Variants in ASTN2 observed in about 807,000 individuals in gnomAD.
ASTN2 encodes astrotactin 2.
ASTN2 carries 54 observed loss-of-function variants against 139.8 expected under a neutral mutation model. That is an observed-to-expected ratio of 0.39 (90% CI 0.31 to 0.48). ASTN2 has a LOEUF of 0.48. ASTN2 is among the 20% of genes least tolerant of loss of function. The pLI is 0.95. For synonymous variants in ASTN2, 756 were observed against 719.5 expected (o/e 1.05, Z -0.81); for missense variants, 1,565 against 1,725.1 (o/e 0.91, Z 1.64).
chr9:117,338,296 C>T (rs1432538079), intron 1 of ASTN2, among the ~76,000 whole-genome samples: 1 of 152,098 alleles, frequency 6.6e-6, no homozygotes, highest in African/African-American at 2.4e-5. Flanking sequence ...GTGTCTCCCC[C>T]AACCTTTTAA....
intron 20 of ASTN2, among the ~76,000 whole-genome samples, chr9:116,451,726 AT>A (rs1848180663): frequency 6.6e-6 from 1 of 152,046 alleles, no homozygotes. Context: ...CAGGACTCTC[AT>A]TTTTTTGTAC....
At chr9:117,110,939 T>G (rs1829233916) in intron 4 of ASTN2, among the ~76,000 whole-genome samples, 1 of 152,188 alleles carries the variant, frequency 6.6e-6, no homozygotes, top group Non-Finnish European at 1.5e-5. Flanking sequence ...GCCCACAATC[T>G]GTGTATAATC....
chr9:116,962,122 G>T (rs1234414061), intron 10 of ASTN2, among the ~76,000 whole-genome samples: 2 of 152,164 alleles, frequency 1.3e-5, no homozygotes, highest in Admixed American at 6.5e-5. Flanking sequence ...CAACTGGCAG[G>T]GTTGCTTCTT....
intron 4 of ASTN2, among the ~76,000 whole-genome samples, chr9:117,118,189 A>T (rs1179664002): frequency 6.6e-6 from 1 of 152,160 alleles, no homozygotes; most frequent in East Asian, 1.9e-4. Flanking sequence ...AAGTAATTCT[A>T]TATTTCCCAT....
rs187914606 is a variant in ASTN2 at position 117,314,543 on chromosome 9, T to C, written c.443-23030A>G. Among the ~76,000 whole-genome samples the C allele has an allele frequency of 2.4e-3, 361 of 149,426 alleles. 3 individuals are homozygous for C. Among genetic ancestry groups the C allele is most frequent in the Non-Finnish European group, 2.8e-3 (191 of 67,546 alleles). On this transcript the variant is annotated intron_variant, in intron 1 of 22. Transcript: ENST00000313400. ...GATCTAAACCAAGTAGGGTTATATA[T>C]TATCATATTATATTATATTATATAT...
intron 20 of ASTN2, among the ~76,000 whole-genome samples, chr9:116,451,832 A>ATCTG (rs34661668): frequency 0.74 from 111,650 of 150,858 alleles, 41,736 homozygotes; most frequent in African/African-American, 0.86. Flanking sequence ...TATGCAAATG[A>ATCTG]TCTGAGTGTA....
intron 5 of ASTN2, among the ~76,000 whole-genome samples, chr9:117,078,793 T>C (rs1828346073): frequency 6.6e-6 from 1 of 152,190 alleles, no homozygotes. Context: ...TGTAGTGCAG[T>C]GGCACGACTT....
intron 1 of ASTN2, among the ~76,000 whole-genome samples, chr9:117,358,213 GA>G (rs1829595015): frequency 6.6e-6 from 1 of 151,946 alleles, no homozygotes; most frequent in Non-Finnish European, 1.5e-5. Flanking sequence ...CAGAGGGAGA[GA>G]AAGTAAAGGT....
intron 4 of ASTN2, among the ~76,000 whole-genome samples, chr9:117,123,406 A>G (rs1829608445): frequency 6.6e-6 from 1 of 152,116 alleles, no homozygotes; most frequent in Non-Finnish European, 1.5e-5. Context: ...CTGACCATCT[A>G]TTTGACATTA....
chr9:116,678,416 T>C (rs1178021851), intron 16 of ASTN2, among the ~76,000 whole-genome samples: 2 of 152,220 alleles, frequency 1.3e-5, no homozygotes, highest in East Asian at 1.9e-4. Context: ...AGAGTTAACA[T>C]TGTAACATGT....
chr9:117,334,962 T>A (rs560741625), intron 1 of ASTN2, among the ~76,000 whole-genome samples: 2 of 152,070 alleles, frequency 1.3e-5, no homozygotes, highest in Admixed American at 6.6e-5. Context: ...GGCTGAGGCA[T>A]GAGAATAGCT....
At chr9:117,401,000 T>C (rs921780630) in intron 1 of ASTN2, among the ~76,000 whole-genome samples, 2 of 152,138 alleles carry the variant, frequency 1.3e-5, no homozygotes, top group African/African-American at 4.8e-5. Flanking sequence ...GGGCTGGTAT[T>C]AGGGATTAAG....
intron 2 of ASTN2, among the ~76,000 whole-genome samples, chr9:117,219,723 T>A (rs942348840): frequency 6.6e-6 from 1 of 152,164 alleles, no homozygotes; most frequent in Non-Finnish European, 1.5e-5. Context: ...AGGGAGGAAG[T>A]GGAGAAGAGA....
intron 16 of ASTN2, among the ~76,000 whole-genome samples, chr9:116,690,550 C>T (rs1018511463): frequency 3.3e-5 from 5 of 152,188 alleles, no homozygotes; most frequent in African/African-American, 9.7e-5. Flanking sequence ...GACATTCCCT[C>T]CATCTTGTCT....
intron 21 of ASTN2, among the ~76,000 whole-genome samples, chr9:116,441,908 C>G (rs1329607811): frequency 6.6e-6 from 1 of 152,190 alleles, no homozygotes; most frequent in African/African-American, 2.4e-5. Flanking sequence ...GAACCAGGAG[C>G]AGCAAAAACA....
chr9:116,429,930 A>G (rs958574649), intron 22 of ASTN2, among the ~76,000 whole-genome samples: 4 of 152,228 alleles, frequency 2.6e-5, no homozygotes, highest in African/African-American at 9.6e-5. Context: ...ATTTTCAGGT[A>G]GATGAGAAGG....
intron 4 of ASTN2, among the ~76,000 whole-genome samples, chr9:117,133,366 G>T (rs1202003286): frequency 6.6e-6 from 1 of 152,190 alleles, no homozygotes; most frequent in Non-Finnish European, 1.5e-5. Context: ...ATTTCCCAAA[G>T]TTGAGCCAGT....
intron 15 of ASTN2, among the ~76,000 whole-genome samples, chr9:116,727,327 C>A (rs931887700): frequency 1.3e-5 from 2 of 152,166 alleles, no homozygotes; most frequent in African/African-American, 4.8e-5. Flanking sequence ...CAAGAACAGC[C>A]AACACTGTGC....
At chr9:117,199,640 A>ATT (rs199885162) in intron 3 of ASTN2, among the ~76,000 whole-genome samples, 1 of 120,458 alleles carries the variant, frequency 8.3e-6, no homozygotes, top group South Asian at 2.5e-4. Context: ...AATTTAAAGT[A>ATT]GTTTTTTTTT....
Sources: gnomAD v4.1 joint callset for allele counts (sites outside exome capture counted in the v4.1 genomes callset) on GRCh38, gnomAD v4.1.1 for gene constraint, MANE v1.5 for transcripts, NCBI Gene and HGNC (gene_info 2026-07-23, HGNC 2026-07-21) for gene names.